The following CEP70 variants were observed in gnomAD, a reference collection of about 807,000 sequenced individuals.
CEP70 encodes the protein centrosomal protein 70, also known as centrosomal protein of 70 kDa.
In CEP70, 70 loss-of-function variants were observed where a neutral mutation model predicts 90.9. The observed-to-expected ratio is 0.77, with a 90% CI of 0.64 to 0.94. CEP70 has a LOEUF of 0.94. Among genes scored for constraint, CEP70 ranks in the 40% least tolerant of loss-of-function variants. CEP70 has a pLI of 0.00. For synonymous variants in CEP70, 220 were observed against 228.3 expected, an observed-to-expected ratio of 0.96 and a Z score of 0.33; for missense variants, 648 against 669.0, an observed-to-expected ratio of 0.97 and a Z score of 0.35.
At chr3:138,555,794 G>A (rs901341449) in intron 6 of CEP70, among the ~76,000 whole-genome samples, 3 of 152,142 alleles carry the variant, frequency 2.0e-5, no homozygotes, top group Non-Finnish European at 2.9e-5. Context: ...GGTGAAAAGG[G>A]AAAACTTCTA....
Position 138,591,880 on chromosome 3 carries a change from C to G in CEP70, c.-32G>C. ...TCAGTCATAGCATATTACTCTTGCA[C>G]TTTACACCTGGTCATTCAGGTTGAT... is the stretch of plus-strand genomic sequence containing the variant. On this transcript the variant is annotated 5_prime_UTR_variant, in exon 2 of 18. Coordinates refer to ENST00000264982, the MANE Select transcript of CEP70 (RefSeq NM_024491.4). 6.6e-7 allele frequency: 1 copy of G among 1,514,996 alleles called. No individual in the cohort carries two copies. Among genetic ancestry groups the G allele is most frequent in the Non-Finnish European group, 8.8e-7 (1 of 1,137,194 alleles). 93.8% of individuals were successfully genotyped at this position (1,514,996 alleles called of 1,614,324 possible).
intron 2 of CEP70, among the ~76,000 whole-genome samples, chr3:138,575,034 C>T (rs1489262812): frequency 3.9e-5 from 6 of 152,094 alleles, no homozygotes; most frequent in South Asian, 2.1e-4. Flanking sequence ...AAAATCAAAG[C>T]GCCTCTTCTC....
intron 2 of CEP70, among the ~76,000 whole-genome samples, chr3:138,579,564 C>T (rs1283882754): frequency 6.6e-6 from 1 of 151,810 alleles, no homozygotes; most frequent in African/African-American, 2.4e-5. Context: ...AGTTATGAGG[C>T]CCCCATTCCA....
intron 17 of CEP70, chr3:138,497,233 C>G: frequency 1.6e-6 from 2 of 1,248,856 alleles, no homozygotes; most frequent in Non-Finnish European, 2.1e-6. Flanking sequence ...TAATTAGATA[C>G]TTCTTTCACT....
At chr3:138,517,401 G>A (rs1278677565) in intron 11 of CEP70, among the ~76,000 whole-genome samples, 5 of 152,180 alleles carry the variant, frequency 3.3e-5, no homozygotes, top group African/African-American at 1.2e-4. Context: ...CAAGCGCGGT[G>A]ACTCATGCCT....
rs1226901445 is a variant in CEP70, at chr3:138,522,176, C to T, written c.944+3314G>A. Among the ~76,000 whole-genome samples, 3 of 152,108 alleles carry T rather than the reference C, an allele frequency of 2.0e-5. No individual in the cohort carries two copies. The East Asian group carries it at 5.8e-4, about 29-fold the overall frequency. On this transcript the variant is annotated intron_variant, in intron 11 of 17. Transcript: ENST00000264982. Reference sequence around the variant, plus strand: ...CCGCAGGGTCCTCTGCCTAGGAAAACCAGAGACCTTTGTTCACATGTTTAT... The same window carrying T: ...CCGCAGGGTCCTCTGCCTAGGAAAATCAGAGACCTTTGTTCACATGTTTAT...
chr3:138,526,627 T>C (rs547782592), intron 10 of CEP70, among the ~76,000 whole-genome samples: 1 of 152,336 alleles, frequency 6.6e-6, no homozygotes, highest in African/African-American at 2.4e-5. Context: ...TGTCATCCTT[T>C]TGTAGCTATG....
At chr3:138,512,456 G>T (rs1241432220) in intron 11 of CEP70, among the ~76,000 whole-genome samples, 1 of 151,942 alleles carries the variant, frequency 6.6e-6, no homozygotes, top group African/African-American at 2.4e-5. Flanking sequence ...GACTTAATTG[G>T]CATTTTAGAA....
chr3:138,544,297 A>G (rs544435054), intron 6 of CEP70, among the ~76,000 whole-genome samples: 8 of 152,228 alleles, frequency 5.3e-5, no homozygotes, highest in African/African-American at 1.9e-4. Flanking sequence ...ACAGTAAAAA[A>G]GGAAGAAAAC....
intron 11 of CEP70, among the ~76,000 whole-genome samples, chr3:138,521,825 C>A (rs552519983): frequency 6.6e-6 from 1 of 152,152 alleles, no homozygotes; most frequent in East Asian, 1.9e-4. Flanking sequence ...ATGACGATGG[C>A]GGTTTTGTCA....
chr3:138,591,881 T>G lies in CEP70; in HGVS notation c.-33A>C. 8 of 1,513,528 alleles carry G rather than the reference T, an allele frequency of 5.3e-6. No homozygotes were observed. The highest frequency in any genetic ancestry group is 7.0e-6 in the Non-Finnish European group (8 of 1,136,346). The allele number at this position is 1,513,528 out of a possible 1,614,324, so 93.8% of individuals were successfully genotyped here. A position where few individuals can be genotyped will look rare whatever the true frequency, so the allele number is the denominator to read the frequency against. On this transcript the variant is annotated 5_prime_UTR_variant, in exon 2 of 18. Coordinates refer to ENST00000264982, the MANE Select transcript of CEP70 (RefSeq NM_024491.4). Reference sequence around the variant, plus strand: ...CAGTCATAGCATATTACTCTTGCACTTTACACCTGGTCATTCAGGTTGATC... The same window carrying G: ...CAGTCATAGCATATTACTCTTGCACGTTACACCTGGTCATTCAGGTTGATC...
chr3:138,540,187 A>G (rs1478738496), intron 6 of CEP70, among the ~76,000 whole-genome samples: 1 of 152,124 alleles, frequency 6.6e-6, no homozygotes, highest in Admixed American at 6.5e-5. Flanking sequence ...CATGCAGCCA[A>G]CAAGCATATT....
At chr3:138,496,960 A>C in intron 17 of CEP70, 2 of 989,400 alleles carry the variant, frequency 2.0e-6, no homozygotes, top group African/African-American at 3.5e-5. Context: ...AATGATGAGA[A>C]CATCACTGCT....
chr3:138,522,086 T>C (rs1164895811), intron 11 of CEP70, among the ~76,000 whole-genome samples: 1 of 152,108 alleles, frequency 6.6e-6, no homozygotes, highest in Non-Finnish European at 1.5e-5. Flanking sequence ...AAAGGCAGCA[T>C]GCTCCTTAAG....
At chr3:138,576,169 G>C (rs1448376414) in intron 2 of CEP70, among the ~76,000 whole-genome samples, 3 of 152,302 alleles carry the variant, frequency 2.0e-5, no homozygotes, top group East Asian at 1.9e-4. Flanking sequence ...ATCGGATAAA[G>C]AGTCAAGACC....
intron 15 of CEP70, 26 bp downstream of exon 15, chr3:138,500,373 C>T: frequency 6.4e-7 from 1 of 1,552,770 alleles, no homozygotes; most frequent in Non-Finnish European, 8.7e-7. Context: ...TAAATGGGGG[C>T]CCAAAATGAC....
intron 7 of CEP70, 171 bp downstream of exon 7, chr3:138,537,001 CAAAAAA>C (rs57447148): frequency 1.0e-4 from 26 of 250,772 alleles, no homozygotes; most frequent in East Asian, 1.7e-4. Context: ...ACCTCTAGAA[CAAAAAA>C]AAAAAAAAAA....
At chr3:138,572,245 T>C (rs1275193529) in intron 3 of CEP70, among the ~76,000 whole-genome samples, 1 of 152,222 alleles carries the variant, frequency 6.6e-6, no homozygotes, top group Non-Finnish European at 1.5e-5. Flanking sequence ...TGAAAGACAC[T>C]CTCAAAGTCA....
At chr3:138,582,161 C>T (rs1290726494) in intron 2 of CEP70, among the ~76,000 whole-genome samples, 1 of 152,022 alleles carries the variant, frequency 6.6e-6, no homozygotes, top group African/African-American at 2.4e-5. Context: ...TTTGAAGGTA[C>T]AAAACTCACG....
Sources: allele counts gnomAD v4.1 joint callset (sites outside exome capture counted in the v4.1 genomes callset), GRCh38; gene constraint gnomAD v4.1.1; transcripts MANE v1.5; gene names NCBI Gene and HGNC (gene_info 2026-07-23, HGNC 2026-07-21).